The following BICC1 variants were observed in gnomAD, a reference collection of about 807,000 sequenced individuals.
BICC1 encodes BicC family RNA binding protein 1.
In BICC1, 43 loss-of-function variants were observed where a neutral mutation model predicts 111.0. The ratio of observed to expected loss-of-function variants is 0.39; its 90% CI spans 0.30 to 0.50. BICC1 has a LOEUF of 0.50. Ranked by LOEUF, BICC1 falls within the 20% of genes least tolerant of loss-of-function variation. BICC1 has a pLI of 0.88. For synonymous variants in BICC1, 467 were observed against 434.4 expected, an observed-to-expected ratio of 1.07 and a Z score of -0.93; for missense variants, 1,091 against 1,203.2, an observed-to-expected ratio of 0.91 and a Z score of 1.38.
At chr10:58,552,406 G>A (rs982779597) in intron 1 of BICC1, among the ~76,000 whole-genome samples, 3 of 151,748 alleles carry the variant, frequency 2.0e-5, no homozygotes, top group African/African-American at 7.3e-5. Flanking sequence ...TGTGATCTTG[G>A]CTCACTGCAA....
intron 1 of BICC1, among the ~76,000 whole-genome samples, chr10:58,590,065 T>TATC (rs1351172517): frequency 6.6e-6 from 1 of 152,208 alleles, no homozygotes; most frequent in Non-Finnish European, 1.5e-5. Context: ...AACAATAAGC[T>TATC]ATCATCAGTC....
intron 2 of BICC1, among the ~76,000 whole-genome samples, chr10:58,627,674 T>A (rs1345169237): frequency 6.6e-6 from 1 of 152,248 alleles, no homozygotes; most frequent in Admixed American, 6.5e-5. Flanking sequence ...GTTCCAATTT[T>A]AGCCTTGCCT....
At position 58,830,575 on chromosome 10, in the gene BICC1, C is replaced by T. The variant is rs1410279335; in HGVS notation, c.*1684C>T. On this transcript the variant is annotated 3_prime_UTR_variant, in exon 21 of 21. Transcript: ENST00000373886. ...CTGAGTCTGACCATTACAGTAAGAA[C>T]AAGAATTGAAGAGGCATTTTGCACA... is the stretch of plus-strand genomic sequence containing the variant. 1 of 152,046 alleles carries T rather than the reference C, an allele frequency of 6.6e-6. No homozygotes were observed. Among genetic ancestry groups the T allele is most frequent in the Non-Finnish European group, 1.5e-5 (1 of 67,992 alleles). The allele number at this position is 152,046 out of a possible 1,614,324, so 9.4% of individuals were successfully genotyped here.
chr10:58,536,008 C>T (rs896317199), intron 1 of BICC1, among the ~76,000 whole-genome samples: 2 of 150,750 alleles, frequency 1.3e-5, no homozygotes. Flanking sequence ...ATAAAAGGAT[C>T]CAATTCATGA....
rs549268009 is a variant in BICC1, at chr10:58,647,532, G to A, written c.237+26631G>A. 2.0e-5 allele frequency among the ~76,000 whole-genome samples: 3 copies of A among 152,198 alleles called. No individual in the cohort carries two copies. In the South Asian group the frequency reaches 6.2e-4, roughly 32 times the overall value. ...GAATCCAGAGAAATGAATCATAGTG[G>A]TTACAGTATCAAAGAGTGAGTGATT... On this transcript the variant is annotated intron_variant, in intron 2 of 20. Transcript: ENST00000373886.
chr10:58,551,199 C>T (rs1843286960), intron 1 of BICC1, among the ~76,000 whole-genome samples: 2 of 152,052 alleles, frequency 1.3e-5, no homozygotes. Flanking sequence ...TGCCTGGCAT[C>T]TGGTAAGATC....
rs895334446 is a variant in BICC1 at position 58,702,249 on chromosome 10, C to A, written c.307+106C>A. 5 of 782,080 alleles carry A rather than the reference C, an allele frequency of 6.4e-6. No individual in the cohort carries two copies. In the African/African-American group the frequency reaches 8.9e-5, roughly 14 times the overall value. 48.4% of individuals were successfully genotyped at this position (782,080 alleles called of 1,614,324 possible). ...TAACCTTTATTCTTAACACTTTTGT[C>A]CCAAAATGTTTGTTAAGTAGCAGTC... On this transcript the variant is annotated intron_variant, in intron 3 of 20. Transcript: ENST00000373886.
intron 20 of BICC1, among the ~76,000 whole-genome samples, chr10:58,822,965 T>G (rs1339912795): frequency 1.3e-5 from 2 of 152,174 alleles, no homozygotes; most frequent in Non-Finnish European, 2.9e-5. Context: ...TGTTTTATTT[T>G]TAATCTCAGG....
intron 2 of BICC1, among the ~76,000 whole-genome samples, chr10:58,700,802 C>T (rs922948674): frequency 6.6e-6 from 1 of 152,178 alleles, no homozygotes; most frequent in African/African-American, 2.4e-5. Flanking sequence ...AGCTGTTTCT[C>T]AGTGCCAGCC....
chr10:58,789,968 A>C (rs765970499), intron 8 of BICC1, 35 bp downstream of exon 8: 12 of 1,608,430 alleles, frequency 7.5e-6, no homozygotes, highest in Admixed American at 5.0e-5. Flanking sequence ...CAATTTTTTT[A>C]AACCTCTTTG....
chr10:58,735,604 C>T (rs898025695), intron 3 of BICC1, among the ~76,000 whole-genome samples: 1 of 152,138 alleles, frequency 6.6e-6, no homozygotes, highest in Non-Finnish European at 1.5e-5. Context: ...AAGTTACCAT[C>T]CCCATTTATG....
In BICC1 at chr10:58,829,468, GAGTT is replaced by G. The variant is rs1439729415; in HGVS notation, c.*581_*584del. On this transcript the variant is annotated 3_prime_UTR_variant, in exon 21 of 21. Transcript: ENST00000373886. ...TCACCTAATATGTTGGTACAGATAAGAGTTAGTCACATTTTTCTGACTGCATCAA... is the reference window on the plus strand; with the variant it reads ...TCACCTAATATGTTGGTACAGATAAGAGTCACATTTTTCTGACTGCATCAA... 6.6e-6 allele frequency: 1 copy of G among 152,034 alleles called. No individual in the cohort carries two copies. Among genetic ancestry groups the G allele is most frequent in the Non-Finnish European group, 1.5e-5 (1 of 68,016 alleles). 9.4% of individuals were successfully genotyped at this position (152,034 alleles called of 1,614,324 possible). A position where few individuals can be genotyped will look rare whatever the true frequency, so the allele number is the denominator to read the frequency against.
intron 1 of BICC1, among the ~76,000 whole-genome samples, chr10:58,597,639 T>A (rs1378208670): frequency 6.6e-6 from 1 of 152,090 alleles, no homozygotes; most frequent in Non-Finnish European, 1.5e-5. Context: ...TCAGTCCTTA[T>A]CTCAACCACA....
Position 58,813,948 on chromosome 10 carries a change from C to G in BICC1, c.2495C>G (p.Ala832Gly). 1 of 1,614,020 alleles carries G rather than the reference C, an allele frequency of 6.2e-7. No homozygotes were observed. Among genetic ancestry groups the G allele is most frequent in the Non-Finnish European group, 8.5e-7 (1 of 1,179,924 alleles). Residue 832 changes from alanine to glycine, a missense_variant, in exon 18 of 21, where the codon GCT (alanine) becomes GGT (glycine). By Grantham distance (60) the Ala-to-Gly change is moderately conservative. Around this residue, in one of 3 missense-constraint regions of BICC1, gnomAD observed 231 missense variants for 256.2 expected, o/e 0.90. Transcript: ENST00000373886. ...IGPGSHSEFAASIGSPKRKQN... is the reference protein window; with the variant it reads ...IGPGSHSEFAGSIGSPKRKQN... ...CCTGGAAGTCATAGTGAATTTGCAGCTTCTATTGGCAGCCCTAAGCGTAAA... is the reference window on the plus strand; with the variant it reads ...CCTGGAAGTCATAGTGAATTTGCAGGTTCTATTGGCAGCCCTAAGCGTAAA...
At chr10:58,815,255 C>A (rs894419004) in intron 18 of BICC1, among the ~76,000 whole-genome samples, 1 of 152,274 alleles carries the variant, frequency 6.6e-6, no homozygotes, top group South Asian at 2.1e-4. Context: ...TCAGGAGTCT[C>A]AGATTTGAAA....
intron 2 of BICC1, among the ~76,000 whole-genome samples, chr10:58,656,639 A>G (rs1838662285): frequency 6.6e-6 from 1 of 152,170 alleles, no homozygotes; most frequent in African/African-American, 2.4e-5. Flanking sequence ...GCCTTTGACA[A>G]AATTCAGCAA....
chr10:58,659,725 GTCTT>G (rs890862909), intron 2 of BICC1, among the ~76,000 whole-genome samples: 1 of 152,076 alleles, frequency 6.6e-6, no homozygotes, highest in African/African-American at 2.4e-5. Context: ...AAAAAAGACT[GTCTT>G]TCAGAATTTC....
At chr10:58,795,209 G>T (rs6481437) in intron 9 of BICC1, among the ~76,000 whole-genome samples, 3,327 of 152,238 alleles carry the variant, frequency 0.022, 105 homozygotes, top group African/African-American at 0.076. Context: ...TATATAATAT[G>T]TATTTTATAT....
rs1842935817 is a variant in BICC1, at chr10:58,783,583, GA to G, written c.308-1417del. On this transcript the variant is annotated intron_variant, in intron 3 of 20. Coordinates refer to ENST00000373886, the MANE Select transcript of BICC1 (RefSeq NM_001080512.3). ...AGAATAGATGCTTTAGGAGTTAAAG[GA>G]TTCAGGCGGAACTGGTGGTAAATTG... Among the ~76,000 whole-genome samples, 3 of 137,102 alleles carry G rather than the reference GA, an allele frequency of 2.2e-5. No individual in the cohort carries two copies. The South Asian group carries it at 8.3e-4, about 38-fold the overall frequency. 89.9% of individuals were successfully genotyped at this position (137,102 alleles called of 152,430 possible).
Sources: gnomAD v4.1 joint callset for allele counts (sites outside exome capture counted in the v4.1 genomes callset) on GRCh38, gnomAD v4.1.1 for gene constraint, gnomAD v4.1.1 regional missense constraint, MANE v1.5 for transcripts, NCBI Gene and HGNC (gene_info 2026-07-23, HGNC 2026-07-21) for gene names.